Variants in SNX14 observed in about 807,000 individuals in gnomAD.
The protein encoded by SNX14 is sorting nexin 14, also known as sorting nexin-14.
Under a neutral mutation model 133.8 loss-of-function variants are expected in SNX14, and 93 were observed. The observed-to-expected ratio is 0.70, with a 90% CI of 0.59 to 0.83. The LOEUF is 0.83. Ranked by LOEUF, SNX14 falls within the 40% of genes least tolerant of loss-of-function variation. The probability of loss-of-function intolerance (pLI) is 0.00; values close to 1 mark genes in which losing one functional copy is unlikely to be tolerated. For missense variants in SNX14, 945 were observed against 1,094.9 expected (o/e 0.86, Z 1.93); for synonymous variants, 368 against 365.6 (o/e 1.01, Z -0.07).
intron 26 of SNX14, among the ~76,000 whole-genome samples, chr6:85,509,900 C>T (rs1772198524): frequency 6.6e-6 from 1 of 152,098 alleles, no homozygotes; most frequent in African/African-American, 2.4e-5. Context: ...ATACAGTATG[C>T]AGTCTTTTCA....
At chr6:85,580,168 G>C (rs1437042407) in intron 1 of SNX14, among the ~76,000 whole-genome samples, 4 of 152,124 alleles carry the variant, frequency 2.6e-5, no homozygotes, top group African/African-American at 9.7e-5. Context: ...GGAAGACAGG[G>C]AACTGGGCAG....
At position 85,565,315 on chromosome 6, in the gene SNX14, T is replaced by C; in HGVS notation, c.549+17A>G. ...ATAAAGCCCCAAATTCCCAAATTTC[T>C]CATTAAAAATATATACCTTGTGAAT... is the stretch of plus-strand genomic sequence containing the variant. On this transcript the variant is annotated intron_variant, in intron 6 of 28. Transcript: ENST00000314673. The C allele has an allele frequency of 6.6e-7, 1 of 1,506,568 alleles. No individual in the cohort carries two copies. The highest frequency in any genetic ancestry group is 9.0e-7 in the Non-Finnish European group (1 of 1,113,052). The allele number at this position is 1,506,568 out of a possible 1,614,324, so 93.3% of individuals were successfully genotyped here. A position where few individuals can be genotyped will look rare whatever the true frequency, so the allele number is the denominator to read the frequency against.
Position 85,574,330 on chromosome 6 carries a change from G to T in SNX14, c.189C>A (p.Val63=), listed in dbSNP as rs781242307. The T allele has an allele frequency of 6.3e-7, 1 of 1,583,826 alleles. No homozygotes were observed. Among genetic ancestry groups the T allele is most frequent in the African/African-American group, 1.3e-5 (1 of 74,442 alleles). ...CAGGTCCTAGTGAGCAGTAGAATGT[G>T]ACAACTCCAGCAACAAATGACCAGA... The part of the protein sequence containing the change: ...MIFWSFVAGV[V]TFYCSLGPDS... The change falls in exon 2 of 29, where the codon GTC becomes GTA. Residue 63 remains valine (V), a synonymous_variant. Transcript: ENST00000314673.
Position 85,514,597 on chromosome 6 carries a change from G to C in SNX14, c.2301C>G (p.Asn767Lys). 6.2e-7 allele frequency: 1 copy of C among 1,612,220 alleles called. No individual in the cohort carries two copies. The highest frequency in any genetic ancestry group is 1.1e-5 in the South Asian group (1 of 91,040). Residue 767 changes from asparagine (N) to lysine (K), a missense_variant, in exon 24 of 29, where the codon AAC (asparagine) becomes AAG (lysine). This residue lies in a region of SNX14 where 412 missense variants were observed against 516.6 expected (regional missense o/e 0.80). Coordinates refer to ENST00000314673, the MANE Select transcript of SNX14 (RefSeq NM_153816.6). ...LFNDLFKNNA[N>K]RAENTERKQN... ...GCTTTCTCTCTGTATTTTCAGCACG[G>C]TTTGCATTATTTTTAAACAGATCAT...
rs745457670 is a variant in SNX14, at chr6:85,593,609, C to A, written c.110G>T (p.Cys37Phe). The change falls in exon 1 of 29, where the codon TGT becomes TTT. Residue 37 changes from cysteine to phenylalanine, a missense_variant. Cys to Phe is a radical substitution (Grantham distance 205). Coordinates refer to ENST00000314673, the MANE Select transcript of SNX14 (RefSeq NM_153816.6). The stretch of plus-strand genomic sequence containing the variant: ...AAGAAGCAGGGAGGCGGCGCTGAGA[C>A]AGAGCAGCAGGAAGCAGAACAGCGG... ...QYPLFCFLLL[C>F]LSAASLLLNR... 6.2e-7 allele frequency: 1 copy of A among 1,613,230 alleles called. No individual in the cohort carries two copies.
At chr6:85,544,686 G>A (rs1355673164) in intron 12 of SNX14, among the ~76,000 whole-genome samples, 6 of 152,180 alleles carry the variant, frequency 3.9e-5, no homozygotes, top group Non-Finnish European at 7.3e-5. Context: ...CAGCTACTTC[G>A]GAGGCTGAGG....
intron 7 of SNX14, among the ~76,000 whole-genome samples, chr6:85,554,224 A>T (rs952013460): frequency 6.7e-6 from 1 of 149,902 alleles, no homozygotes; most frequent in South Asian, 2.1e-4. Context: ...ATTTAAGTTT[A>T]TATATATATA....
chr6:85,515,671 A>G (rs1301008899), intron 23 of SNX14, among the ~76,000 whole-genome samples: 2 of 152,154 alleles, frequency 1.3e-5, no homozygotes, highest in East Asian at 3.8e-4. Context: ...TAACACAGAC[A>G]CATACTTAAA....
chr6:85,585,504 G>C (rs1484095709), intron 1 of SNX14, among the ~76,000 whole-genome samples: 1 of 152,026 alleles, frequency 6.6e-6, no homozygotes, highest in African/African-American at 2.4e-5. Context: ...ATAGTCAAGA[G>C]CAGAAATCAA....
intron 8 of SNX14, 23 bp from the exon 9 acceptor site, chr6:85,548,399 T>C: frequency 6.6e-7 from 1 of 1,513,392 alleles, no homozygotes; most frequent in Non-Finnish European, 9.0e-7. Context: ...ATAATAATAA[T>C]TGTTTATATT....
chr6:85,588,831 A>T (rs1457917863), intron 1 of SNX14: 4 of 453,756 alleles, frequency 8.8e-6, no homozygotes, highest in Non-Finnish European at 1.8e-5. Context: ...CATGCTATTA[A>T]GAATATCATA....
At chr6:85,588,799 T>C (rs373220372) in intron 1 of SNX14, 6,899 of 448,758 alleles carry the variant, frequency 0.015, 467 homozygotes, top group South Asian at 0.11. Context: ...ATTCTTACAA[T>C]GATGTAAGCT....
intron 1 of SNX14, among the ~76,000 whole-genome samples, chr6:85,585,894 A>C (rs547644727): frequency 3.3e-5 from 5 of 152,252 alleles, no homozygotes; most frequent in African/African-American, 1.2e-4. Flanking sequence ...TGAACCCATT[A>C]AAAGTGAAGC....
chr6:85,578,659 A>G (rs1798066207), intron 1 of SNX14, among the ~76,000 whole-genome samples: 1 of 152,228 alleles, frequency 6.6e-6, no homozygotes, highest in South Asian at 2.1e-4. Flanking sequence ...CTGATGGACC[A>G]AGCTATCTGT....
chr6:85,569,132 T>A (rs900983240), intron 4 of SNX14, among the ~76,000 whole-genome samples: 4 of 152,142 alleles, frequency 2.6e-5, no homozygotes, highest in Non-Finnish European at 5.9e-5. Flanking sequence ...CCAGCTAATT[T>A]TGCATTTTTA....
At chr6:85,561,992 C>A (rs1171866838) in intron 6 of SNX14, among the ~76,000 whole-genome samples, 1 of 151,972 alleles carries the variant, frequency 6.6e-6, no homozygotes, top group Non-Finnish European at 1.5e-5. Flanking sequence ...TATCCTAATC[C>A]TCCTCCCACT....
intron 21 of SNX14, among the ~76,000 whole-genome samples, chr6:85,521,411 G>GT (rs931083473): frequency 2.5e-4 from 37 of 149,416 alleles, no homozygotes; most frequent in South Asian, 1.3e-3. Context: ...CTTTTTTGTT[G>GT]TTTTTTTTTC....
intron 1 of SNX14, among the ~76,000 whole-genome samples, chr6:85,588,609 A>AT (rs1465086320): frequency 6.6e-6 from 1 of 151,616 alleles, no homozygotes; most frequent in African/African-American, 2.4e-5. Context: ...ATGGGCTAAT[A>AT]TAATTTTAAT....
rs114333141 is a variant in SNX14, at chr6:85,549,487, A to G, written c.791+236T>C. ...TTATTCATATTTATATTTTATGTCC[A>G]AGATCAGTTTTAAAGAAAAATTCTA... On this transcript the variant is annotated intron_variant, in intron 8 of 28. Transcript: ENST00000314673. Among the ~76,000 whole-genome samples, 2,569 of 152,252 alleles carry G rather than the reference A, an allele frequency of 0.017. 69 individuals carry two copies. The highest frequency in any genetic ancestry group is 0.058 in the African/African-American group (2,395 of 41,554).
Sources: gnomAD v4.1 joint callset for allele counts (sites outside exome capture counted in the v4.1 genomes callset) on GRCh38, gnomAD v4.1.1 for gene constraint, gnomAD v4.1.1 regional missense constraint, MANE v1.5 for transcripts, NCBI Gene and HGNC (gene_info 2026-07-23, HGNC 2026-07-21) for gene names.